The following APBB2 variants were observed in gnomAD, a reference collection of about 807,000 sequenced individuals.
The protein encoded by APBB2 is Fe65-like 1.
APBB2 carries 38 observed loss-of-function variants against 82.5 expected under a neutral mutation model. That is an observed-to-expected ratio of 0.46 (90% CI 0.36 to 0.60). The LOEUF is 0.60. Among genes scored for constraint, APBB2 ranks in the 20% least tolerant of loss-of-function variants. APBB2 has a pLI of 0.00. For synonymous variants in APBB2, 341 were observed against 368.2 expected (o/e 0.93, Z 0.85); for missense variants, 772 against 972.3 (o/e 0.79, Z 2.74).
chr4:41,011,249 C>T (rs947976589), intron 6 of APBB2, among the ~76,000 whole-genome samples: 5 of 149,222 alleles, frequency 3.4e-5, no homozygotes, highest in Non-Finnish European at 5.9e-5. Context: ...GGCACAATCT[C>T]GGTTCACTGC....
chr4:41,199,795 T>A (rs1001496956), intron 1 of APBB2, among the ~76,000 whole-genome samples: 2 of 152,154 alleles, frequency 1.3e-5, no homozygotes, highest in Non-Finnish European at 2.9e-5. Context: ...AGCTTCACTG[T>A]TCTTCCGGTG....
At chr4:40,876,587 C>G (rs544339109) in intron 12 of APBB2, among the ~76,000 whole-genome samples, 20 of 152,276 alleles carry the variant, frequency 1.3e-4, no homozygotes, top group African/African-American at 4.3e-4. Flanking sequence ...ATGCTCAAGC[C>G]TCTTATATAA....
At chr4:41,097,204 G>A (rs10015784) in intron 3 of APBB2, among the ~76,000 whole-genome samples, 65,947 of 151,888 alleles carry the variant, frequency 0.43, 14,679 homozygotes, top group Non-Finnish European at 0.48. Context: ...TGTCACCTGC[G>A]CTCTTGTATA....
chr4:41,170,646 C>T (rs1767995187), intron 1 of APBB2, among the ~76,000 whole-genome samples: 1 of 152,172 alleles, frequency 6.6e-6, no homozygotes, highest in Admixed American at 6.5e-5. Flanking sequence ...AATGCAACAT[C>T]TAATCCTGGA....
chr4:41,090,722 C>A (rs781308303), intron 3 of APBB2, among the ~76,000 whole-genome samples: 16 of 152,142 alleles, frequency 1.1e-4, no homozygotes, highest in Non-Finnish European at 1.6e-4. Context: ...TTTGCCAGAA[C>A]AGCAGGCATA....
At chr4:40,988,420 A>T (rs1234639021) in intron 6 of APBB2, among the ~76,000 whole-genome samples, 2 of 151,960 alleles carry the variant, frequency 1.3e-5, no homozygotes, top group Non-Finnish European at 2.9e-5. Context: ...CGGATCACCT[A>T]AGGTCAGGAG....
chr4:41,102,252 C>G (rs1745724286), intron 2 of APBB2, among the ~76,000 whole-genome samples: 1 of 152,180 alleles, frequency 6.6e-6, no homozygotes, highest in Admixed American at 6.5e-5. Flanking sequence ...AAAAATCAGA[C>G]AGAACCCTGC....
At chr4:41,087,009 A>G (rs138071459) in intron 3 of APBB2, among the ~76,000 whole-genome samples, 7 of 152,254 alleles carry the variant, frequency 4.6e-5, no homozygotes, top group African/African-American at 7.2e-5. Flanking sequence ...GCATGGTGGC[A>G]TGTATCTATA....
At position 40,846,326 on chromosome 4, in the gene APBB2, C is replaced by CAAAA. The variant is rs3086182; in HGVS notation, c.1530-15753_1530-15750dup. 5.5e-3 allele frequency among the ~76,000 whole-genome samples: 342 copies of CAAAA among 62,472 alleles called. 6 individuals are homozygous for CAAAA. Among genetic ancestry groups the CAAAA allele is most frequent in the African/African-American group, 0.021 (325 of 15,414 alleles). 41.0% of individuals were successfully genotyped at this position (62,472 alleles called of 152,430 possible). On this transcript the variant is annotated intron_variant, in intron 12 of 17. Coordinates refer to ENST00000508593, the MANE Select transcript of APBB2 (RefSeq NM_004307.2). ...TCAAGGCCCTCGGATGAAAACACTC[C>CAAAA]AAAAAAAAAAAAAAAAAAAAAAGTG...
intron 1 of APBB2, among the ~76,000 whole-genome samples, chr4:41,205,940 T>C (rs1246437807): frequency 4.6e-5 from 7 of 152,194 alleles, no homozygotes; most frequent in Non-Finnish European, 1.0e-4. Flanking sequence ...ACTTGACCAC[T>C]AAACCCCTGC....
At chr4:41,063,194 C>CATAGG (rs767676840) in intron 4 of APBB2, among the ~76,000 whole-genome samples, 1 of 152,178 alleles carries the variant, frequency 6.6e-6, no homozygotes, top group African/African-American at 2.4e-5. Flanking sequence ...CTTTCTTCTA[C>CATAGG]ATAGGGGTGG....
intron 1 of APBB2, among the ~76,000 whole-genome samples, chr4:41,209,063 C>T (rs1027756766): frequency 4.6e-4 from 70 of 152,244 alleles, no homozygotes; most frequent in African/African-American, 1.6e-3. Flanking sequence ...CTTGACCTTC[C>T]ACCCTCTATG....
chr4:40,830,874 G>C (rs994832065), intron 12 of APBB2, among the ~76,000 whole-genome samples: 7 of 151,932 alleles, frequency 4.6e-5, no homozygotes, highest in African/African-American at 1.7e-4. Context: ...TTTGAGACCA[G>C]CTCTCGAACC....
chr4:40,877,637 C>T (rs1767242755), intron 12 of APBB2, among the ~76,000 whole-genome samples: 1 of 152,228 alleles, frequency 6.6e-6, no homozygotes, highest in Non-Finnish European at 1.5e-5. Flanking sequence ...ACTCATCCTG[C>T]TGTGCCCTGT....
At chr4:40,819,918 C>T (rs78193984) in intron 17 of APBB2, among the ~76,000 whole-genome samples, 3,479 of 152,274 alleles carry the variant, frequency 0.023, 45 homozygotes, top group East Asian at 0.041. Context: ...TTTGAGCCAT[C>T]CTCCCACCTT....
At chr4:40,857,328 G>A (rs1251626642) in intron 12 of APBB2, 1 of 253,180 alleles carries the variant, frequency 3.9e-6, no homozygotes, top group Non-Finnish European at 6.2e-6. Flanking sequence ...GCTCAGGGCC[G>A]GCAAGGAGGA....
chr4:40,967,808 T>C (rs1470000453), intron 6 of APBB2, among the ~76,000 whole-genome samples: 1 of 152,154 alleles, frequency 6.6e-6, no homozygotes, highest in Non-Finnish European at 1.5e-5. Context: ...AGAGGTTTCA[T>C]GCCAGAAGAG....
At chr4:40,978,487 C>T (rs1797713885) in intron 6 of APBB2, among the ~76,000 whole-genome samples, 1 of 151,838 alleles carries the variant, frequency 6.6e-6, no homozygotes, top group African/African-American at 2.4e-5. Context: ...CAAGATTTTA[C>T]TCTAGAAAAA....
intron 7 of APBB2, among the ~76,000 whole-genome samples, chr4:40,938,367 T>C (rs993144206): frequency 6.6e-6 from 1 of 152,208 alleles, no homozygotes; most frequent in Non-Finnish European, 1.5e-5. Context: ...ATGGCACTCC[T>C]CAAAACCCTT....
Sources: allele counts gnomAD v4.1 joint callset (sites outside exome capture counted in the v4.1 genomes callset), GRCh38; gene constraint gnomAD v4.1.1; transcripts MANE v1.5; gene names NCBI Gene and HGNC (gene_info 2026-07-23, HGNC 2026-07-21).